Variants in PCDHGA6 observed in about 807,000 individuals in gnomAD.
PCDHGA6 encodes the protein protocadherin gamma subfamily A, 6, also known as protocadherin gamma-A6.
Under a neutral mutation model 60.6 loss-of-function variants are expected in PCDHGA6, and 41 were observed. The ratio of observed to expected loss-of-function variants is 0.68; its 90% confidence interval spans 0.53 to 0.88. The LOEUF (loss-of-function observed/expected upper bound fraction) is 0.88, where lower values mean the gene tolerates loss of function less well. Among genes scored for constraint, PCDHGA6 ranks in the 40% least tolerant of loss-of-function variants. PCDHGA6 has a pLI of 0.00. For synonymous variants in PCDHGA6, 594 were observed against 524.4 expected, an observed-to-expected ratio of 1.13 and a Z score of -1.81; for missense variants, 1,312 against 1,203.0, an observed-to-expected ratio of 1.09 and a Z score of -1.34.
At position 141,475,845 on chromosome 5, in the gene PCDHGA6, G is replaced by A. The variant is rs2099375736; in HGVS notation, c.2425-18962G>A. On this transcript the variant is annotated intron_variant, in intron 1 of 3. Coordinates refer to ENST00000517434, the MANE Select transcript of PCDHGA6 (RefSeq NM_018919.3). ...CGCTAGCGCGTGTCCTGCTCAGAGA[G>A]CCCGGCGCTAGCTCATTCTTCGTGC... The A allele has an allele frequency of 2.0e-5, 9 of 447,884 alleles. 1 individual carries two copies. In the South Asian group the frequency reaches 2.8e-4, roughly 14 times the overall value. 27.7% of individuals were successfully genotyped at this position (447,884 alleles called of 1,614,324 possible).
At chr5:141,483,555 C>CAG (rs1415499107) in intron 1 of PCDHGA6, among the ~76,000 whole-genome samples, 2 of 152,152 alleles carry the variant, frequency 1.3e-5, no homozygotes, top group African/African-American at 4.8e-5. Flanking sequence ...GTGCCATTCA[C>CAG]AGAGACAGTG....
chr5:141,375,427 C>T lies in PCDHGA6; in HGVS notation c.1344C>T (p.Asn448=). ...TAAATGTGGCAGACACCAACGACAA[C>T]CCGCCCACCTTCCCCCATTCATCCT... ...ISLNVADTND[N]PPTFPHSSYS... Residue 448 remains asparagine, a synonymous_variant, in exon 1 of 4, where the codon AAC becomes AAT. Coordinates refer to ENST00000517434, the MANE Select transcript of PCDHGA6 (RefSeq NM_018919.3). 1.2e-6 allele frequency: 2 copies of T among 1,613,978 alleles called. No homozygotes were observed. Among genetic ancestry groups the T allele is most frequent in the Non-Finnish European group, 1.7e-6 (2 of 1,180,034 alleles).
chr5:141,388,135 T>C, intron 1 of PCDHGA6: 1 of 1,452,398 alleles, frequency 6.9e-7, no homozygotes, highest in Non-Finnish European at 9.5e-7. Flanking sequence ...AGCGGGGAGT[T>C]GCTTGTGAGC....
chr5:141,447,181 G>C (rs442221), intron 1 of PCDHGA6, among the ~76,000 whole-genome samples: 152,246 of 152,338 alleles, frequency 1, 76,078 homozygotes, highest in Middle Eastern at 1. Context: ...CTCTTGTCGC[G>C]CAGGCTGGAG....
intron 1 of PCDHGA6, chr5:141,423,751 G>GGC: frequency 2.9e-6 from 1 of 349,040 alleles, no homozygotes; most frequent in African/African-American, 6.5e-5. Context: ...AAAACTGTTT[G>GGC]GGGGGGGGGT....
intron 1 of PCDHGA6, among the ~76,000 whole-genome samples, chr5:141,397,268 T>C (rs532503951): frequency 2.0e-5 from 3 of 152,180 alleles, no homozygotes; most frequent in African/African-American, 7.2e-5. Flanking sequence ...CTTAGCTACA[T>C]CATATGGGCA....
chr5:141,427,220 T>G (rs1487350481), intron 1 of PCDHGA6: 1 of 456,710 alleles, frequency 2.2e-6, no homozygotes, highest in East Asian at 6.9e-5. Flanking sequence ...TTCGTAGCAG[T>G]TATACCATGA....
chr5:141,405,418 T>C (rs2094662415), intron 1 of PCDHGA6: 1 of 1,508,444 alleles, frequency 6.6e-7, no homozygotes, highest in South Asian at 1.2e-5. Context: ...TTTTTTTGTT[T>C]TTTGTTTTGT....
intron 1 of PCDHGA6, chr5:141,391,220 T>C (rs1189350408): frequency 6.6e-6 from 1 of 152,208 alleles, no homozygotes; most frequent in South Asian, 2.1e-4. Context: ...GAACATTATA[T>C]GAGCCTTTTG....
intron 1 of PCDHGA6, chr5:141,423,111 T>C (rs1394665462): frequency 3.1e-6 from 5 of 1,613,718 alleles, no homozygotes; most frequent in South Asian, 1.1e-5. Flanking sequence ...GCGAGGTGCG[T>C]ACAGCGCGGG....
chr5:141,419,067 A>C (rs2096321794), intron 1 of PCDHGA6: 2 of 1,613,956 alleles, frequency 1.2e-6, no homozygotes, highest in African/African-American at 1.3e-5. Flanking sequence ...AATTACTACA[A>C]GCTAGTAACA....
At position 141,432,207 on chromosome 5, in the gene PCDHGA6, A is replaced by G. The variant is rs1181424938; in HGVS notation, c.2424+55700A>G. 3 of 1,614,176 alleles carry G rather than the reference A, an allele frequency of 1.9e-6. No homozygotes were observed. The highest frequency in any genetic ancestry group is 2.5e-6 in the Non-Finnish European group (3 of 1,180,026). ...ACCGCCCACGACCCCGACTGTGAAG[A>G]GAACGCCCAGATCACTTATTCCCTG... On this transcript the variant is annotated intron_variant, in intron 1 of 3. Transcript: ENST00000517434. The surrounding 1 kb of genome is among the most constrained non-coding windows in gnomAD (Gnocchi z 6.0).
chr5:141,427,229 G>A (rs1377470019), intron 1 of PCDHGA6: 3 of 456,628 alleles, frequency 6.6e-6, no homozygotes, highest in Non-Finnish European at 1.3e-5. Context: ...GTTATACCAT[G>A]AGAGTAGAAG....
chr5:141,460,924 A>ATG (rs1333352687), intron 1 of PCDHGA6, among the ~76,000 whole-genome samples: 26 of 150,590 alleles, frequency 1.7e-4, no homozygotes, highest in South Asian at 6.3e-4. Flanking sequence ...ATATATATAT[A>ATG]TGTGTGTGTG....
At chr5:141,412,591 A>G (rs2095564760) in intron 1 of PCDHGA6, 1 of 152,214 alleles carries the variant, frequency 6.6e-6, no homozygotes, top group Non-Finnish European at 1.5e-5. Flanking sequence ...ATGAATGTAT[A>G]CTAAATAAAA....
At chr5:141,455,430 G>C (rs190218223) in intron 1 of PCDHGA6, among the ~76,000 whole-genome samples, 1 of 152,274 alleles carries the variant, frequency 6.6e-6, no homozygotes, top group Admixed American at 6.5e-5. Flanking sequence ...CTCCAAAAGA[G>C]GAGGTCCCCA....
At chr5:141,409,181 C>T (rs1280456560) in intron 1 of PCDHGA6, 2 of 1,613,992 alleles carry the variant, frequency 1.2e-6, no homozygotes, top group Non-Finnish European at 1.7e-6. Flanking sequence ...CGGAGGTGGT[C>T]TCTCTACCCA....
chr5:141,399,807 C>T, intron 1 of PCDHGA6: 1 of 1,613,222 alleles, frequency 6.2e-7, no homozygotes, highest in Non-Finnish European at 8.5e-7. Context: ...GGGTGCTGTA[C>T]CCCGCGCTGG....
intron 1 of PCDHGA6, chr5:141,408,051 C>G (rs894200228): frequency 3.2e-5 from 41 of 1,264,370 alleles, no homozygotes; most frequent in African/African-American, 1.1e-4. Flanking sequence ...CCACACAGAG[C>G]CTCCCGGCTG....
Sources: gnomAD v4.1 joint callset for allele counts (sites outside exome capture counted in the v4.1 genomes callset) on GRCh38, gnomAD v4.1.1 for gene constraint, Gnocchi (gnomAD v3.1) non-coding constraint, MANE v1.5 for transcripts, NCBI Gene and HGNC (gene_info 2026-07-23, HGNC 2026-07-21) for gene names.